Variants in GRIN3A observed in about 807,000 individuals in gnomAD.
GRIN3A encodes glutamate ionotropic receptor NMDA type subunit 3A.
In GRIN3A, 47 loss-of-function variants were observed where a neutral mutation model predicts 92.4. The observed-to-expected ratio is 0.51, with a 90% CI of 0.40 to 0.65. The LOEUF (loss-of-function observed/expected upper bound fraction) is 0.65, where lower values mean the gene tolerates loss of function less well. Ranked by LOEUF, GRIN3A falls within the 30% of genes least tolerant of loss-of-function variation. GRIN3A has a pLI of 0.00. For missense variants in GRIN3A, 1,324 were observed against 1,393.1 expected, an observed-to-expected ratio of 0.95 and a Z score of 0.79; for synonymous variants, 527 against 540.6, an observed-to-expected ratio of 0.97 and a Z score of 0.35.
rs140239913 is a variant in GRIN3A at position 101,654,695 on chromosome 9, A to C, written c.2352+15365T>G. 1.6e-3 allele frequency among the ~76,000 whole-genome samples: 238 copies of C among 151,794 alleles called. 1 individual carries two copies. Among genetic ancestry groups the C allele is most frequent in the African/African-American group, 5.6e-3 (233 of 41,470 alleles). ...CCTCCATAATTTTAATTCATCATTC[A>C]GAATTCATGTTTTCTTCCTCAAGGA... On this transcript the variant is annotated intron_variant, in intron 3 of 8. Coordinates refer to ENST00000361820, the MANE Select transcript of GRIN3A (RefSeq NM_133445.3).
chr9:101,691,313 A>G (rs957311922), intron 1 of GRIN3A, among the ~76,000 whole-genome samples: 2 of 152,154 alleles, frequency 1.3e-5, no homozygotes, highest in African/African-American at 2.4e-5. Context: ...AACTATATGA[A>G]TAAACACTTC....
At chr9:101,621,941 T>TA (rs1217256158) in intron 5 of GRIN3A, among the ~76,000 whole-genome samples, 3 of 152,246 alleles carry the variant, frequency 2.0e-5, no homozygotes, top group African/African-American at 4.8e-5. Flanking sequence ...ATTGTTACAT[T>TA]AAAATGGGAT....
At chr9:101,594,308 C>G (rs1828076335) in intron 6 of GRIN3A, 1 of 1,429,950 alleles carries the variant, frequency 7.0e-7, no homozygotes, top group Non-Finnish European at 9.4e-7. Context: ...AAAAGAAATA[C>G]TTCCAGATAA....
chr9:101,616,834 A>G (rs1367079546), intron 5 of GRIN3A, among the ~76,000 whole-genome samples: 1 of 146,832 alleles, frequency 6.8e-6, no homozygotes, highest in Non-Finnish European at 1.5e-5. Flanking sequence ...CGGCACATGT[A>G]TACATATGAA....
intron 3 of GRIN3A, among the ~76,000 whole-genome samples, chr9:101,651,073 A>T (rs1181554968): frequency 6.6e-6 from 1 of 151,964 alleles, no homozygotes; most frequent in African/African-American, 2.4e-5. Context: ...AGAATCTGTC[A>T]TAGTGCCTTA....
rs1238309562 is a variant in GRIN3A, at chr9:101,737,781, G to C, written c.199C>G (p.Arg67Gly). The change falls in exon 1 of 9, where the codon CGC becomes GGC. Residue 67 changes from arginine (R) to glycine (G), a missense_variant. Coordinates refer to ENST00000361820, the MANE Select transcript of GRIN3A (RefSeq NM_133445.3). ...CCTGCTCGGCTGTCGTCCGGAGCGC[G>C]GCTGGCCGCGCGGGGGGCGGTGGTC... ...PWTTAPRAAS[R>G]APDDSRAGAQ... 3 of 1,528,346 alleles carry C rather than the reference G, an allele frequency of 2.0e-6. No homozygotes were observed. The highest frequency in any genetic ancestry group is 2.5e-5 in the East Asian group (1 of 40,618). 94.7% of individuals were successfully genotyped at this position (1,528,346 alleles called of 1,614,324 possible). A position where few individuals can be genotyped will look rare whatever the true frequency, so the allele number is the denominator to read the frequency against.
In GRIN3A at chr9:101,723,449, C is replaced by T. The variant is rs182451385; in HGVS notation, c.699+13832G>A. On this transcript the variant is annotated intron_variant, in intron 1 of 8. Transcript: ENST00000361820. Reference sequence around the variant, plus strand: ...TGAGTGTTACAGCTCATAAAAGCAGCGTGGACCCAAAGAGTGAGCAGTAGC... The same window carrying T: ...TGAGTGTTACAGCTCATAAAAGCAGTGTGGACCCAAAGAGTGAGCAGTAGC... 4.5e-3 allele frequency among the ~76,000 whole-genome samples: 690 copies of T among 152,224 alleles called. 5 individuals carry two copies. The highest frequency in any genetic ancestry group is 0.016 in the African/African-American group (660 of 41,512).
intron 6 of GRIN3A, among the ~76,000 whole-genome samples, chr9:101,583,754 C>G (rs1040153102): frequency 4.6e-5 from 7 of 152,068 alleles, no homozygotes; most frequent in Non-Finnish European, 8.8e-5. Flanking sequence ...TGTTTTTTCC[C>G]CCTTTATCCC....
chr9:101,699,256 C>T (rs953084104), intron 1 of GRIN3A, among the ~76,000 whole-genome samples: 1 of 152,144 alleles, frequency 6.6e-6, no homozygotes, highest in Non-Finnish European at 1.5e-5. Context: ...TCCACCTCTA[C>T]CTCTTCTCCC....
intron 1 of GRIN3A, among the ~76,000 whole-genome samples, chr9:101,700,361 T>G (rs1786994027): frequency 6.6e-6 from 1 of 152,136 alleles, no homozygotes; most frequent in Non-Finnish European, 1.5e-5. Context: ...GAGGCAAGAG[T>G]AATTATGATT....
At chr9:101,645,644 T>C in intron 3 of GRIN3A, among the ~76,000 whole-genome samples, 1 of 150,236 alleles carries the variant, frequency 6.7e-6, no homozygotes, top group East Asian at 1.9e-4. Context: ...ACCAAGAGTG[T>C]ACTAGAATTC....
intron 3 of GRIN3A, among the ~76,000 whole-genome samples, chr9:101,643,549 G>GTGAA (rs1317438527): frequency 3.9e-5 from 6 of 151,926 alleles, no homozygotes; most frequent in African/African-American, 1.5e-4. Context: ...CCACTCCTGG[G>GTGAA]TATATATTCA....
At chr9:101,642,151 A>G (rs1828874485) in intron 3 of GRIN3A, among the ~76,000 whole-genome samples, 1 of 152,174 alleles carries the variant, frequency 6.6e-6, no homozygotes, top group Non-Finnish European at 1.5e-5. Context: ...GGAACAGAAT[A>G]GAGAACCCCA....
intron 6 of GRIN3A, chr9:101,595,033 G>A: frequency 7.8e-7 from 1 of 1,280,768 alleles, no homozygotes; most frequent in Non-Finnish European, 1.1e-6. Flanking sequence ...GGGGTAGAGG[G>A]CTCCCGGGGG....
intron 5 of GRIN3A, among the ~76,000 whole-genome samples, chr9:101,617,214 A>C (rs1828472103): frequency 6.6e-6 from 1 of 151,030 alleles, no homozygotes. Context: ...CTAAAAAAAA[A>C]AAAAAAAAAA....
At chr9:101,730,504 T>C (rs1033604161) in intron 1 of GRIN3A, among the ~76,000 whole-genome samples, 2 of 152,120 alleles carry the variant, frequency 1.3e-5, no homozygotes, top group Non-Finnish European at 2.9e-5. Flanking sequence ...AATTGAAACA[T>C]GGAGACATCA....
Position 101,590,605 on chromosome 9 carries a change from C to A in GRIN3A, c.2767-11245G>T, listed in dbSNP as rs567922067. Among the ~76,000 whole-genome samples the A allele has an allele frequency of 7.2e-5, 11 of 152,156 alleles. No individual in the cohort carries two copies. In the South Asian group the frequency reaches 2.1e-3, roughly 29 times the overall value. ...CCATGTTGGCCAGGATGGTCTCGAT[C>A]TCCTGACCTCGTGATCTGCCCGCCT... On this transcript the variant is annotated intron_variant, in intron 6 of 8. Coordinates refer to ENST00000361820, the MANE Select transcript of GRIN3A (RefSeq NM_133445.3).
intron 3 of GRIN3A, among the ~76,000 whole-genome samples, chr9:101,658,560 G>C (rs141118687): frequency 1.9e-3 from 286 of 150,552 alleles, no homozygotes; most frequent in Middle Eastern, 6.9e-3. Flanking sequence ...AACATTGATA[G>C]GTTTTATTTG....
intron 1 of GRIN3A, among the ~76,000 whole-genome samples, chr9:101,716,281 C>T (rs1194992175): frequency 6.6e-6 from 1 of 151,928 alleles, no homozygotes; most frequent in Non-Finnish European, 1.5e-5. Context: ...TTCTTTAGTG[C>T]CTCTTGAATT....
Sources: allele counts gnomAD v4.1 joint callset (sites outside exome capture counted in the v4.1 genomes callset), GRCh38; gene constraint gnomAD v4.1.1; transcripts MANE v1.5; gene names NCBI Gene and HGNC (gene_info 2026-07-23, HGNC 2026-07-21).